Variants in TTBK1 observed in about 807,000 individuals in gnomAD.
TTBK1 encodes tau-tubulin kinase 1.
In TTBK1, 34 loss-of-function variants were observed where a neutral mutation model predicts 108.5. That is an observed-to-expected ratio of 0.31 (90% CI 0.24 to 0.42). The LOEUF (loss-of-function observed/expected upper bound fraction) is 0.42. Among genes scored for constraint, TTBK1 ranks in the 10% least tolerant of loss-of-function variants. The pLI is 1.00. For missense variants in TTBK1, 1,539 were observed against 1,826.0 expected, an observed-to-expected ratio of 0.84 and a Z score of 2.86; for synonymous variants, 809 against 795.1, an observed-to-expected ratio of 1.02 and a Z score of -0.29.
chr6:43,282,663 T>C lies in TTBK1; in HGVS notation c.1987-64T>C. On this transcript the variant is annotated intron_variant, in intron 13 of 14. Coordinates refer to ENST00000259750, the MANE Select transcript of TTBK1 (RefSeq NM_032538.3). This position sits in a 1 kb window ranked among gnomAD's most constrained non-coding sequence, Gnocchi z 5.4. ...GAGTCTCCTAGGTTGTGGGTGCAGC[T>C]GAAGTCTTCCTGGGCCCAGGAGGGT... 1.4e-6 allele frequency: 2 copies of C among 1,401,344 alleles called. No homozygotes were observed. Among genetic ancestry groups the C allele is most frequent in the Non-Finnish European group, 2.0e-6 (2 of 1,020,770 alleles). 86.8% of individuals were successfully genotyped at this position (1,401,344 alleles called of 1,614,324 possible). A position where few individuals can be genotyped will look rare whatever the true frequency, so the allele number is the denominator to read the frequency against.
chr6:43,280,746 GA>G (rs1778133820), intron 13 of TTBK1, among the ~76,000 whole-genome samples: 1 of 152,200 alleles, frequency 6.6e-6, no homozygotes, highest in African/African-American at 2.4e-5. Context: ...AGAAAAGGGA[GA>G]ATAAGTAAAT....
Position 43,282,960 on chromosome 6 carries a change from A to C in TTBK1, c.2220A>C (p.Glu740Asp). The change falls in exon 14 of 15, where the codon GAA becomes GAC. Residue 740 changes from glutamate to aspartate, a missense_variant. Around this residue, in one of 5 missense-constraint regions of TTBK1, gnomAD observed 1,055 missense variants for 1,086.5 expected, o/e 0.97. Coordinates refer to ENST00000259750, the MANE Select transcript of TTBK1 (RefSeq NM_032538.3). The surrounding 1 kb of genome is among the most constrained non-coding windows in gnomAD (Gnocchi z 5.4). ...AGGAGGAAGAGGAGGAGGAGGAGGA[A>C]GATGAGGAAGAGGAAGAAGAGGATG... ...NGKEEEEEEE[E>D]DEEEEEEDEE... 1 of 1,606,530 alleles carries C rather than the reference A, an allele frequency of 6.2e-7. No individual in the cohort carries two copies. Among genetic ancestry groups the C allele is most frequent in the Non-Finnish European group, 8.5e-7 (1 of 1,175,102 alleles).
rs749834681 is a variant in TTBK1 at position 43,253,728 on chromosome 6, G to T, written c.471+20G>T. The T allele has an allele frequency of 6.2e-7, 1 of 1,603,526 alleles. No homozygotes were observed. The highest frequency in any genetic ancestry group is 1.7e-5 in the Admixed American group (1 of 58,990). The stretch of plus-strand genomic sequence containing the variant: ...AAGCCTGTGAGTACTGCCCCCACAC[G>T]CCTCTCTGTTCCCTCCTCCAGAACA... On this transcript the variant is annotated intron_variant, in intron 5 of 14. Coordinates refer to ENST00000259750, the MANE Select transcript of TTBK1 (RefSeq NM_032538.3). The surrounding 1 kb of genome is among the most constrained non-coding windows in gnomAD (Gnocchi z 5.8).
intron 13 of TTBK1, chr6:43,271,866 G>GCCC: frequency 1.0e-6 from 1 of 979,726 alleles, no homozygotes; most frequent in Non-Finnish European, 1.2e-6. Context: ...TAATACTTGT[G>GCCC]CCCCACCCCC....
rs1418071520 is a variant in TTBK1 at position 43,262,992 on chromosome 6, G to A, written c.1628G>A (p.Trp543Ter). The A allele has an allele frequency of 6.2e-7, 1 of 1,612,366 alleles. No homozygotes were observed. The highest frequency in any genetic ancestry group is 8.5e-7 in the Non-Finnish European group (1 of 1,179,284). The stretch of plus-strand genomic sequence containing the variant: ...GAGGAGGATTTCGACAGCAAAGAGT[G>A]GGTCATCATCGACAAGGAGACGGAG... ...AEEEDFDSKE[W>*]VIIDKETELK... Residue 543 changes from tryptophan (W) to a stop codon, truncating the protein, a stop_gained, in exon 13 of 15, where the codon TGG (tryptophan) becomes TAG (stop). Coordinates refer to ENST00000259750, the MANE Select transcript of TTBK1 (RefSeq NM_032538.3). LOFTEE classifies it high-confidence loss of function.
At chr6:43,264,219 T>C (rs769820735) in intron 13 of TTBK1, among the ~76,000 whole-genome samples, 1 of 151,902 alleles carries the variant, frequency 6.6e-6, no homozygotes, top group Non-Finnish European at 1.5e-5. Context: ...CCATCTTTAC[T>C]AAAAATACAA....
At position 43,259,515 on chromosome 6, in the gene TTBK1, C is replaced by T. The variant is rs1582488241; in HGVS notation, c.1249-16C>T. 1 of 1,546,920 alleles carries T rather than the reference C, an allele frequency of 6.5e-7. No individual in the cohort carries two copies. Among genetic ancestry groups the T allele is most frequent in the East Asian group, 2.3e-5 (1 of 44,090 alleles). Reference sequence around the variant, plus strand: ...GCCTCATCAGCCCCAGCTCATGGCACTCCCCTCTCCTGCAGAGCCCCTGTG... The same window carrying T: ...GCCTCATCAGCCCCAGCTCATGGCATTCCCCTCTCCTGCAGAGCCCCTGTG... On this transcript the variant is annotated splice_polypyrimidine_tract_variant and intron_variant, in intron 11 of 14. Transcript: ENST00000259750. The surrounding 1 kb of genome is among the most constrained non-coding windows in gnomAD (Gnocchi z 6.7).
intron 13 of TTBK1, among the ~76,000 whole-genome samples, chr6:43,266,998 C>T (rs1314526626): frequency 1.6e-5 from 2 of 128,106 alleles, no homozygotes; most frequent in Non-Finnish European, 3.3e-5. Flanking sequence ...CTGGAGCATG[C>T]GTGTGTGTGT....
chr6:43,277,561 G>A (rs951795704), intron 13 of TTBK1, among the ~76,000 whole-genome samples: 4 of 152,244 alleles, frequency 2.6e-5, no homozygotes, highest in South Asian at 2.1e-4. Flanking sequence ...GCAGGCAAGG[G>A]TGGGTTTTGG....
chr6:43,263,417 G>A lies in TTBK1; in HGVS notation c.1986+67G>A. On this transcript the variant is annotated intron_variant, in intron 13 of 14. Transcript: ENST00000259750. The surrounding 1 kb of genome is among the most constrained non-coding windows in gnomAD (Gnocchi z 4.7). ...CAGAGTCCTGGTGTGTAGGCCTGGGGTGCTCCATGTGTGCTGGCACTACTG... is the reference window on the plus strand; with the variant it reads ...CAGAGTCCTGGTGTGTAGGCCTGGGATGCTCCATGTGTGCTGGCACTACTG... 1 of 1,390,746 alleles carries A rather than the reference G, an allele frequency of 7.2e-7. No individual in the cohort carries two copies. 86.2% of individuals were successfully genotyped at this position (1,390,746 alleles called of 1,614,324 possible).
rs1290612693 is a variant in TTBK1, at chr6:43,283,920, C to G, written c.3180C>G (p.Leu1060=). 3 of 1,613,136 alleles carry G rather than the reference C, an allele frequency of 1.9e-6. No homozygotes were observed. The East Asian group carries it at 6.7e-5, about 36-fold the overall frequency. Residue 1060 remains leucine, a synonymous_variant, in exon 14 of 15, where the codon CTC becomes CTG. Transcript: ENST00000259750. This position sits in a 1 kb window ranked among gnomAD's most constrained non-coding sequence, Gnocchi z 8.1. The part of the protein sequence containing the change: ...SRPRSRIPVL[L]SEEDTGSEPS... ...CCAGGAGCCGTATCCCTGTCCTGCT[C>G]TCTGAGGAGGACACGGGCTCGGAGC... is the stretch of plus-strand genomic sequence containing the variant.
Position 43,259,257 on chromosome 6 carries a change from C to G in TTBK1, c.1236C>G (p.Ile412Met). The change falls in exon 11 of 15, where the codon ATC (isoleucine) becomes ATG (methionine). Residue 412 changes from isoleucine (I) to methionine (M), a missense_variant. Transcript: ENST00000259750. This position sits in a 1 kb window ranked among gnomAD's most constrained non-coding sequence, Gnocchi z 6.7. Reference protein sequence around the residue: ...ETDVNRNKLRINIGKSPCVEE... With the variant: ...ETDVNRNKLRMNIGKSPCVEE... ...ATGTCAACCGGAACAAACTCCGGAT[C>G]AACATCGGCAAAGTAACTGCCGCCA... 6.5e-7 allele frequency: 1 copy of G among 1,549,748 alleles called. No homozygotes were observed. The highest frequency in any genetic ancestry group is 8.7e-7 in the Non-Finnish European group (1 of 1,149,404).
chr6:43,282,630 G>A lies in TTBK1; in HGVS notation c.1987-97G>A. On this transcript the variant is annotated intron_variant, in intron 13 of 14. Transcript: ENST00000259750. This position sits in a 1 kb window ranked among gnomAD's most constrained non-coding sequence, Gnocchi z 5.4. ...GAGCTCACACTCTGGTAGACGACCT[G>A]GGCCTGTGAGTCTCCTAGGTTGTGG... 1 of 1,014,278 alleles carries A rather than the reference G, an allele frequency of 9.9e-7. No homozygotes were observed. Among genetic ancestry groups the A allele is most frequent in the Non-Finnish European group, 1.5e-6 (1 of 675,032 alleles). The allele number at this position is 1,014,278 out of a possible 1,614,324, so 62.8% of individuals were successfully genotyped here. A position where few individuals can be genotyped will look rare whatever the true frequency, so the allele number is the denominator to read the frequency against.
chr6:43,252,678 G>A, intron 2 of TTBK1, 61 bp from the exon 3 acceptor site: 4 of 1,584,572 alleles, frequency 2.5e-6, no homozygotes, highest in Admixed American at 3.5e-5. Context: ...CCAAGCAGCA[G>A]GTGGGATGAG....
Position 43,283,601 on chromosome 6 carries a change from T to G in TTBK1, c.2861T>G (p.Phe954Cys). 2 of 1,614,106 alleles carry G rather than the reference T, an allele frequency of 1.2e-6. No homozygotes were observed. Among genetic ancestry groups the G allele is most frequent in the Non-Finnish European group, 1.7e-6 (2 of 1,179,984 alleles). Residue 954 changes from phenylalanine to cysteine, a missense_variant, in exon 14 of 15, where the codon TTC becomes TGC. This residue lies in a region of TTBK1 where 1,055 missense variants were observed against 1,086.5 expected (regional missense o/e 0.97). Transcript: ENST00000259750. The surrounding 1 kb of genome is among the most constrained non-coding windows in gnomAD (Gnocchi z 8.1). ...SGGQALRSEE[F>C]SAGGELGLEL... is the part of the protein sequence containing the mutation. ...GGACAAGCCTTGCGGTCTGAGGAGT[T>G]CAGCGCTGGGGGCGAGCTGGGTCTG...
chr6:43,284,088 G>T lies in TTBK1; in HGVS notation c.3348G>T (p.Glu1116Asp). The change falls in exon 14 of 15, where the codon GAG becomes GAT. Residue 1116 changes from glutamate (E) to aspartate (D), a missense_variant. By Grantham distance (45) the Glu-to-Asp change is conservative. Coordinates refer to ENST00000259750, the MANE Select transcript of TTBK1 (RefSeq NM_032538.3). ...ASGASSSSSE[E>D]QRRASETLSG... ...GGGCCTCGTCCTCCTCCAGTGAGGA[G>T]CAGCGCCGTGCCTCTGAGACCCTCT... 6.5e-7 allele frequency: 1 copy of T among 1,539,984 alleles called. No homozygotes were observed.
intron 1 of TTBK1, among the ~76,000 whole-genome samples, chr6:43,246,275 G>A (rs2150678641): frequency 6.6e-6 from 1 of 152,318 alleles, no homozygotes; most frequent in Non-Finnish European, 1.5e-5. Context: ...CCCTACAAGG[G>A]AAAGGGTCCC....
At chr6:43,281,237 G>A (rs1042981101) in intron 13 of TTBK1, among the ~76,000 whole-genome samples, 25 of 152,090 alleles carry the variant, frequency 1.6e-4, no homozygotes, top group African/African-American at 4.6e-4. Context: ...TTAGCCGGGC[G>A]TGGTGGCGGG....
Position 43,284,301 on chromosome 6 carries a change from C to T in TTBK1, c.3561C>T (p.Ala1187=). The T allele has an allele frequency of 6.4e-7, 1 of 1,565,104 alleles. No individual in the cohort carries two copies. Among genetic ancestry groups the T allele is most frequent in the Non-Finnish European group, 8.6e-7 (1 of 1,157,226 alleles). ...SHGAAPALDT[A]ITSRLQLQTP... ...GCGCGGCCCCAGCATTGGACACAGCCATCACCAGCAGGTGAGAAACCGCTG... is the reference window on the plus strand; with the variant it reads ...GCGCGGCCCCAGCATTGGACACAGCTATCACCAGCAGGTGAGAAACCGCTG... The change falls in exon 14 of 15, where the codon GCC becomes GCT. Residue 1187 remains alanine, a synonymous_variant. Transcript: ENST00000259750.
Sources: allele counts gnomAD v4.1 joint callset (sites outside exome capture counted in the v4.1 genomes callset), GRCh38; gene constraint gnomAD v4.1.1; regional missense constraint gnomAD v4.1.1; non-coding constraint Gnocchi (gnomAD v3.1); transcripts MANE v1.5; gene names NCBI Gene and HGNC (gene_info 2026-07-23, HGNC 2026-07-21).